GABBR2: variants seen among roughly 807,000 people sequenced by gnomAD.
GABBR2 encodes gamma-aminobutyric acid type B receptor subunit 2.
A neutral mutation model predicts 105.6 loss-of-function variants in GABBR2; 23 were observed. The observed-to-expected ratio is 0.22, with a 90% CI of 0.16 to 0.31. GABBR2 has a LOEUF of 0.31. Ranked by LOEUF, GABBR2 falls within the 10% of genes least tolerant of loss-of-function variation. GABBR2 has a pLI of 1.00. For synonymous variants in GABBR2, 478 were observed against 499.7 expected, an observed-to-expected ratio of 0.96 and a Z score of 0.58; for missense variants, 734 against 1,245.5, an observed-to-expected ratio of 0.59 and a Z score of 6.18.
At chr9:98,670,401 A>G (rs1213986415) in intron 1 of GABBR2, among the ~76,000 whole-genome samples, 4 of 152,224 alleles carry the variant, frequency 2.6e-5, no homozygotes, top group Non-Finnish European at 5.9e-5. Flanking sequence ...GGGAATGTAA[A>G]ATGATACAGA....
intron 1 of GABBR2, among the ~76,000 whole-genome samples, chr9:98,624,980 C>T (rs911986297): frequency 6.6e-6 from 1 of 152,198 alleles, no homozygotes; most frequent in Non-Finnish European, 1.5e-5. Context: ...CCATCACCTG[C>T]CCTGGTGTTA....
At chr9:98,560,501 A>G (rs1564114753) in intron 2 of GABBR2, among the ~76,000 whole-genome samples, 1 of 151,646 alleles carries the variant, frequency 6.6e-6, no homozygotes, top group African/African-American at 2.4e-5. Context: ...ACACATACAC[A>G]CAAAATACAC....
intron 1 of GABBR2, among the ~76,000 whole-genome samples, chr9:98,586,507 C>T (rs1487216735): frequency 6.6e-6 from 1 of 152,132 alleles, no homozygotes; most frequent in Non-Finnish European, 1.5e-5. Flanking sequence ...GCCATGTTGA[C>T]CAGGCTGGTC....
Position 98,607,743 on chromosome 9 carries a change from G to C in GABBR2, c.322-29671C>G, listed in dbSNP as rs1829449516. On this transcript the variant is annotated intron_variant, in intron 1 of 18. Transcript: ENST00000259455. Reference sequence around the variant, plus strand: ...AGGTTACTAATAATGTCCACTATGAGAACTACAGAAGCAGAAAACTGGCAG... The same window carrying C: ...AGGTTACTAATAATGTCCACTATGACAACTACAGAAGCAGAAAACTGGCAG... 4 of 774,514 alleles carry C rather than the reference G, an allele frequency of 5.2e-6. No homozygotes were observed. In the South Asian group the frequency reaches 5.5e-5, roughly 11 times the overall value. The allele number at this position is 774,514 out of a possible 1,614,324, so 48.0% of individuals were successfully genotyped here. A position where few individuals can be genotyped will look rare whatever the true frequency, so the allele number is the denominator to read the frequency against.
intron 11 of GABBR2, among the ~76,000 whole-genome samples, chr9:98,383,985 A>C (rs1046879965): frequency 9.2e-5 from 14 of 152,186 alleles, no homozygotes; most frequent in Non-Finnish European, 5.9e-5. Flanking sequence ...GCTTGTGAGC[A>C]ACAAATGCAG....
intron 1 of GABBR2, among the ~76,000 whole-genome samples, chr9:98,603,751 T>G (rs769169904): frequency 6.6e-6 from 1 of 152,142 alleles, no homozygotes; most frequent in Admixed American, 6.5e-5. Context: ...CAAAGCTGAT[T>G]AATTTTGCAA....
chr9:98,476,808 T>C (rs545200526), intron 5 of GABBR2, among the ~76,000 whole-genome samples: 9 of 152,316 alleles, frequency 5.9e-5, no homozygotes, highest in Middle Eastern at 6.8e-3. Flanking sequence ...TATCATCAAG[T>C]TCCTCTGCCT....
In GABBR2 at chr9:98,388,774, T is replaced by G. The variant is rs1478874817; in HGVS notation, c.1529+80A>C. ...GACTTCTGTGTCCCTGGGGAATCTG[T>G]CATGTGGCACTCCTATACTGTGTCC... On this transcript the variant is annotated intron_variant, in intron 10 of 18. Coordinates refer to ENST00000259455, the MANE Select transcript of GABBR2 (RefSeq NM_005458.8). The surrounding 1 kb of genome is among the most constrained non-coding windows in gnomAD (Gnocchi z 4.4). 2 of 1,143,856 alleles carry G rather than the reference T, an allele frequency of 1.7e-6. No homozygotes were observed. Among genetic ancestry groups the G allele is most frequent in the African/African-American group, 3.1e-5 (2 of 64,788 alleles). 70.9% of individuals were successfully genotyped at this position (1,143,856 alleles called of 1,614,324 possible).
At chr9:98,367,692 G>A in intron 12 of GABBR2, among the ~76,000 whole-genome samples, 1 of 152,252 alleles carries the variant, frequency 6.6e-6, no homozygotes, top group East Asian at 1.9e-4. Flanking sequence ...GGGTTACTCT[G>A]GGTTTTCTAG....
chr9:98,399,810 G>A (rs1450960819), intron 8 of GABBR2, among the ~76,000 whole-genome samples: 1 of 152,152 alleles, frequency 6.6e-6, no homozygotes. Flanking sequence ...AAGCCAATAA[G>A]GGATTGATAT....
intron 1 of GABBR2, among the ~76,000 whole-genome samples, chr9:98,579,713 C>T (rs911316698): frequency 1.1e-4 from 16 of 152,088 alleles, no homozygotes; most frequent in Middle Eastern, 3.4e-3. Flanking sequence ...AAAGTGGATT[C>T]AAAAGAGAAT....
At chr9:98,492,619 G>A (rs1399092902) in intron 4 of GABBR2, among the ~76,000 whole-genome samples, 2 of 151,826 alleles carry the variant, frequency 1.3e-5, no homozygotes, top group Non-Finnish European at 2.9e-5. Flanking sequence ...ATATTCAATT[G>A]TCATGCCTCC....
intron 3 of GABBR2, among the ~76,000 whole-genome samples, chr9:98,531,583 T>A (rs1257274673): frequency 6.6e-6 from 1 of 152,216 alleles, no homozygotes; most frequent in East Asian, 1.9e-4. Flanking sequence ...CTGGAGCCCC[T>A]GACAGGCGGT....
intron 3 of GABBR2, among the ~76,000 whole-genome samples, chr9:98,498,047 C>T (rs1019491536): frequency 1.3e-5 from 2 of 152,156 alleles, no homozygotes; most frequent in African/African-American, 4.8e-5. Context: ...TACTATTCAG[C>T]CTTCAAAAGG....
At chr9:98,525,369 G>C (rs989796947) in intron 3 of GABBR2, among the ~76,000 whole-genome samples, 1 of 152,120 alleles carries the variant, frequency 6.6e-6, no homozygotes, top group Non-Finnish European at 1.5e-5. Flanking sequence ...TATCTCCAAA[G>C]AGGATATACA....
intron 7 of GABBR2, among the ~76,000 whole-genome samples, chr9:98,435,685 G>T (rs1825889457): frequency 6.6e-6 from 1 of 152,084 alleles, no homozygotes; most frequent in Admixed American, 6.5e-5. Context: ...TTTCTCAAAG[G>T]TGCCACACTT....
At chr9:98,294,652 A>G (rs1324544054) in intron 17 of GABBR2, among the ~76,000 whole-genome samples, 2 of 152,048 alleles carry the variant, frequency 1.3e-5, no homozygotes, top group Non-Finnish European at 2.9e-5. Context: ...AATTTTTTGT[A>G]TTTGTAGTAG....
At chr9:98,354,199 T>C (rs1354796982) in intron 13 of GABBR2, among the ~76,000 whole-genome samples, 3 of 152,242 alleles carry the variant, frequency 2.0e-5, no homozygotes, top group Admixed American at 6.5e-5. Flanking sequence ...GAAACCATGC[T>C]GTAACAGATG....
At chr9:98,697,818 A>G (rs924604125) in intron 1 of GABBR2, among the ~76,000 whole-genome samples, 8 of 152,172 alleles carry the variant, frequency 5.3e-5, no homozygotes, top group African/African-American at 1.7e-4. Flanking sequence ...TCTCCCTTCC[A>G]TCAAAGCCAA....
Sources: gnomAD v4.1 joint callset for allele counts (sites outside exome capture counted in the v4.1 genomes callset) on GRCh38, gnomAD v4.1.1 for gene constraint, Gnocchi (gnomAD v3.1) non-coding constraint, MANE v1.5 for transcripts, NCBI Gene and HGNC (gene_info 2026-07-23, HGNC 2026-07-21) for gene names.